The following MCM8 variants were observed in gnomAD, a reference collection of about 807,000 sequenced individuals.
The protein encoded by MCM8 is minichromosome maintenance 8 homologous recombination repair factor.
MCM8 carries 85 observed loss-of-function variants against 98.9 expected under a neutral mutation model. That is an observed-to-expected ratio of 0.86 (90% CI 0.72 to 1.03). The LOEUF (loss-of-function observed/expected upper bound fraction) is 1.03. MCM8 is among the 50% of genes least tolerant of loss of function. MCM8 has a pLI of 0.00. For synonymous variants in MCM8, 352 were observed against 338.6 expected, an observed-to-expected ratio of 1.04 and a Z score of -0.44; for missense variants, 951 against 997.8, an observed-to-expected ratio of 0.95 and a Z score of 0.63.
chr20:5,993,539 C>A lies in MCM8; in HGVS notation c.2274C>A (p.Asn758Lys). The A allele has an allele frequency of 1.3e-6, 2 of 1,579,440 alleles. No homozygotes were observed. The highest frequency in any genetic ancestry group is 8.6e-7 in the Non-Finnish European group (1 of 1,158,630). Residue 758 changes from asparagine to lysine, a missense_variant, in exon 18 of 19, where the codon AAC becomes AAA. By Grantham distance (94) the Asn-to-Lys change is moderately conservative. Coordinates refer to ENST00000610722, the MANE Select transcript of MCM8 (RefSeq NM_032485.6). Reference protein sequence around the residue: ...MLGTYSDEFGNLDFERSQHGS... With the variant: ...MLGTYSDEFGKLDFERSQHGS... ...GAACTTACTCTGATGAATTTGGGAA[C>A]CTAGATTTTGAGCGATCCCAGCATG...
At chr20:5,994,234 T>G in intron 18 of MCM8, 65 bp from the exon 19 acceptor site, 1 of 904,646 alleles carries the variant, frequency 1.1e-6, no homozygotes, top group Non-Finnish European at 1.7e-6. Flanking sequence ...TTTGAGAGAT[T>G]TATTTTAAAA....
intron 4 of MCM8, 68 bp downstream of exon 4, chr20:5,954,758 A>ATTATGATCGTAGGCACTGGAGTCAGAC (rs2088929084): frequency 2.1e-6 from 2 of 954,294 alleles, no homozygotes; most frequent in Non-Finnish European, 3.3e-6. Context: ...GGTACTTGTG[A>ATTATGATCGTAGGCACTGGAGTCAGAC]TTATGATCGT....
chr20:5,962,052 T>C (rs186249562), intron 7 of MCM8, among the ~76,000 whole-genome samples: 26 of 152,356 alleles, frequency 1.7e-4, no homozygotes, highest in African/African-American at 6.0e-4. Context: ...CATGGAGTTG[T>C]AGTCAGATGG....
At chr20:5,972,994 C>G (rs1294312800) in intron 11 of MCM8, 62 bp from the exon 12 acceptor site, 12 of 1,563,988 alleles carry the variant, frequency 7.7e-6, no homozygotes, top group Non-Finnish European at 1.0e-5. Flanking sequence ...AGGAATACCC[C>G]CTTTACTAGT....
chr20:5,963,516 A>G (rs1416593715), intron 8 of MCM8, among the ~76,000 whole-genome samples, 157 bp downstream of exon 8: 3 of 150,636 alleles, frequency 2.0e-5, no homozygotes, highest in Non-Finnish European at 4.4e-5. Context: ...TTTGTATGTT[A>G]AAATAATTCT....
intron 17 of MCM8, 39 bp downstream of exon 17, chr20:5,987,397 A>G (rs2089756263): frequency 6.5e-7 from 1 of 1,533,146 alleles, no homozygotes. Flanking sequence ...ATGAAATACC[A>G]GTTATCTTCC....
chr20:5,973,608 G>A (rs1462683142), intron 12 of MCM8, among the ~76,000 whole-genome samples: 2 of 152,134 alleles, frequency 1.3e-5, no homozygotes, highest in African/African-American at 4.8e-5. Flanking sequence ...TCTGCTAAAG[G>A]TGTGGGATCT....
chr20:5,977,923 C>T lies in MCM8; in HGVS notation c.1443C>T (p.Thr481=). Residue 481 remains threonine, a synonymous_variant, in exon 13 of 19, where the codon ACC becomes ACT. Coordinates refer to ENST00000610722, the MANE Select transcript of MCM8 (RefSeq NM_032485.6). ...GTGGCGTGTATGTTTGTGGTAACAC[C>T]ACGACCACCTCTGGTCTGACGGTAA... ...APRGVYVCGN[T]TTTSGLTVTL... 6.2e-7 allele frequency: 1 copy of T among 1,614,148 alleles called. No individual in the cohort carries two copies. Among genetic ancestry groups the T allele is most frequent in the Non-Finnish European group, 8.5e-7 (1 of 1,180,014 alleles).
intron 8 of MCM8, 49 bp downstream of exon 8, chr20:5,963,408 G>C (rs1427422350): frequency 1.4e-6 from 2 of 1,383,576 alleles, no homozygotes; most frequent in Non-Finnish European, 2.1e-6. Context: ...ATGTCACACT[G>C]TTGAGAAAAT....
At chr20:5,982,635 TTGTG>T (rs1025744322) in intron 13 of MCM8, among the ~76,000 whole-genome samples, 1 of 152,210 alleles carries the variant, frequency 6.6e-6, no homozygotes, top group Admixed American at 6.5e-5. Flanking sequence ...GCATGTGTGT[TTGTG>T]TGTGTATGTA....
intron 17 of MCM8, 36 bp from the exon 18 acceptor site, chr20:5,993,470 C>A: frequency 6.8e-7 from 1 of 1,470,394 alleles, no homozygotes; most frequent in Non-Finnish European, 9.1e-7. Context: ...TATGGCAGTG[C>A]TACATTGGGT....
In MCM8 at chr20:5,963,313, C is replaced by G. The variant is rs111820668; in HGVS notation, c.829C>G (p.Leu277Val). The change falls in exon 8 of 19, where the codon CTC becomes GTC. Residue 277 changes from leucine to valine, a missense_variant. By Grantham distance (32) the Leu-to-Val change is conservative. Transcript: ENST00000610722. ...GTGTCGAGGCAGGTCATTTACTGCT[C>G]TCCGCAGCTCTCCTCTCACAGTTAC... ...PVCRGRSFTA[L>V]RSSPLTVTMD... 3 of 1,613,932 alleles carry G rather than the reference C, an allele frequency of 1.9e-6. No individual in the cohort carries two copies. Among genetic ancestry groups the G allele is most frequent in the African/African-American group, 2.7e-5 (2 of 74,884 alleles).
chr20:5,992,506 C>T (rs189073402), intron 17 of MCM8, among the ~76,000 whole-genome samples: 2 of 152,224 alleles, frequency 1.3e-5, no homozygotes, highest in Admixed American at 6.5e-5. Context: ...ACAACTTTCT[C>T]ATGAGAAACA....
intron 17 of MCM8, among the ~76,000 whole-genome samples, chr20:5,990,605 G>A (rs554681166): frequency 6.6e-6 from 1 of 152,140 alleles, no homozygotes; most frequent in Non-Finnish European, 1.5e-5. Context: ...AGCATATGAA[G>A]TAAAAGAATG....
intron 16 of MCM8, among the ~76,000 whole-genome samples, chr20:5,987,046 C>T (rs138189087): frequency 2.6e-5 from 4 of 152,104 alleles, no homozygotes; most frequent in Admixed American, 6.5e-5. Context: ...AGGCTGGTCT[C>T]GAACTCCTGG....
chr20:5,962,438 A>G (rs1397707096), intron 7 of MCM8, among the ~76,000 whole-genome samples: 1 of 59,220 alleles, frequency 1.7e-5, no homozygotes, highest in Non-Finnish European at 2.4e-5. Flanking sequence ...GCAGTGGCGC[A>G]ATCTCGGCTC....
At chr20:5,978,777 T>C (rs113740770) in intron 13 of MCM8, among the ~76,000 whole-genome samples, 11,156 of 152,230 alleles carry the variant, frequency 0.073, 514 homozygotes, top group East Asian at 0.24. Context: ...AGGCTGGTCT[T>C]GAACTCCTGG....
chr20:5,964,797 TC>T (rs1002661549), intron 8 of MCM8: 1 of 152,192 alleles, frequency 6.6e-6, no homozygotes, highest in African/African-American at 2.4e-5. Flanking sequence ...ATGAATGTAT[TC>T]CAAAGTTATT....
intron 5 of MCM8, among the ~76,000 whole-genome samples, chr20:5,956,062 C>A (rs538589365): frequency 6.6e-6 from 1 of 152,156 alleles, no homozygotes; most frequent in South Asian, 2.1e-4. Flanking sequence ...CCACCTTGCC[C>A]GGCCAAAAAC....
Sources: allele counts gnomAD v4.1 joint callset (sites outside exome capture counted in the v4.1 genomes callset), GRCh38; gene constraint gnomAD v4.1.1; transcripts MANE v1.5; gene names NCBI Gene and HGNC (gene_info 2026-07-23, HGNC 2026-07-21).